CFAP57: variants seen among roughly 807,000 people sequenced by gnomAD.
CFAP57 encodes cilia- and flagella-associated protein 57.
Under a neutral mutation model 146.8 loss-of-function variants are expected in CFAP57, and 116 were observed. The ratio of observed to expected loss-of-function variants is 0.79; its 90% confidence interval spans 0.68 to 0.92. CFAP57 has a LOEUF of 0.92. Among genes scored for constraint, CFAP57 ranks in the 40% least tolerant of loss-of-function variants. The pLI, the probability that CFAP57 is intolerant of heterozygous loss-of-function variation, is 0.00. For missense variants in CFAP57, 1,377 were observed against 1,527.2 expected, an observed-to-expected ratio of 0.90 and a Z score of 1.64; for synonymous variants, 518 against 552.8, an observed-to-expected ratio of 0.94 and a Z score of 0.88.
chr1:43,188,358 T>C lies in CFAP57; in HGVS notation c.1122+1499T>C, dbSNP rs1350870309. Among the ~76,000 whole-genome samples the C allele has an allele frequency of 3.9e-5, 6 of 152,328 alleles. No homozygotes were observed. The East Asian group carries it at 7.7e-4, about 20-fold the overall frequency. ...TGTTCAATTATTTGAGGAACTGCCA[T>C]ACTGTTTTCCAAAGTTGCTGGACCG... On this transcript the variant is annotated intron_variant, in intron 6 of 22. Coordinates refer to ENST00000372492, the MANE Select transcript of CFAP57 (RefSeq NM_001378189.1).
At chr1:43,212,963 GA>G (rs1644683959) in intron 11 of CFAP57, among the ~76,000 whole-genome samples, 1 of 146,410 alleles carries the variant, frequency 6.8e-6, no homozygotes, top group African/African-American at 2.5e-5. Flanking sequence ...AAGAAAGAAA[GA>G]AAAGAAAACT....
chr1:43,243,774 T>G (rs1395847671), intron 22 of CFAP57, among the ~76,000 whole-genome samples: 1 of 152,198 alleles, frequency 6.6e-6, no homozygotes. Flanking sequence ...CATTTTAGAA[T>G]AGTGAATAAG....
At chr1:43,222,621 AAG>A (rs1292221229) in intron 15 of CFAP57, among the ~76,000 whole-genome samples, 3 of 152,126 alleles carry the variant, frequency 2.0e-5, no homozygotes, top group African/African-American at 4.8e-5. Flanking sequence ...TTGGTAGGAA[AAG>A]AGGGGAGGCA....
rs1163754769 is a variant in CFAP57, at chr1:43,176,397, C to T, written c.157+3487C>T. Among the ~76,000 whole-genome samples the T allele has an allele frequency of 3.9e-5, 6 of 152,254 alleles. No individual in the cohort carries two copies. In the South Asian group the frequency reaches 8.3e-4, roughly 21 times the overall value. On this transcript the variant is annotated intron_variant, in intron 2 of 22. Transcript: ENST00000372492. ...CACTGACCAAGTCTAAGGGTATTAC[C>T]GGTGAAGGGAAAAATATAAAGGTCA...
intron 22 of CFAP57, among the ~76,000 whole-genome samples, chr1:43,252,442 C>T (rs1227890850): frequency 1.3e-5 from 2 of 151,920 alleles, no homozygotes; most frequent in Non-Finnish European, 2.9e-5. Context: ...CTTAAAAGGA[C>T]CCCACAGTAG....
In CFAP57 at chr1:43,172,353, G is replaced by C. The variant is rs763685636; in HGVS notation, c.-120G>C. 4 of 1,551,642 alleles carry C rather than the reference G, an allele frequency of 2.6e-6. No homozygotes were observed. In the South Asian group the frequency reaches 3.6e-5, roughly 14 times the overall value. On this transcript the variant is annotated 5_prime_UTR_variant, in exon 1 of 23. Coordinates refer to ENST00000372492, the MANE Select transcript of CFAP57 (RefSeq NM_001378189.1). ...ATACTTCCGGTTTGTCGTTGCTATA[G>C]GAACCGCTACGGCGTTTGAAAGTGT... is the stretch of plus-strand genomic sequence containing the variant.
intron 12 of CFAP57, among the ~76,000 whole-genome samples, chr1:43,217,669 C>T (rs188350518): frequency 1.7e-4 from 26 of 152,266 alleles, no homozygotes; most frequent in African/African-American, 6.0e-4. Context: ...CCCTTCCCTA[C>T]CTCAGTCCAA....
intron 11 of CFAP57, among the ~76,000 whole-genome samples, chr1:43,212,660 A>AC (rs60100143): frequency 0.17 from 25,359 of 151,998 alleles, 2,909 homozygotes; most frequent in African/African-American, 0.3. Flanking sequence ...TTGACCTGGC[A>AC]CGTGGGTCAT....
intron 12 of CFAP57, among the ~76,000 whole-genome samples, chr1:43,218,888 G>A (rs767836606): frequency 3.9e-5 from 6 of 152,304 alleles, no homozygotes; most frequent in South Asian, 2.1e-4. Flanking sequence ...CATTGTTCCC[G>A]TACTTGGGAT....
intron 5 of CFAP57, among the ~76,000 whole-genome samples, chr1:43,185,945 A>G (rs1643045384): frequency 6.6e-6 from 1 of 151,804 alleles, no homozygotes; most frequent in Admixed American, 6.6e-5. Context: ...TACAAAATAC[A>G]AAAAGTAGCC....
At chr1:43,241,527 C>G (rs1018066809) in intron 21 of CFAP57, among the ~76,000 whole-genome samples, 1 of 152,108 alleles carries the variant, frequency 6.6e-6, no homozygotes, top group Non-Finnish European at 1.5e-5. Context: ...TAAGACCATC[C>G]TGTTCTCTGG....
chr1:43,202,983 A>C (rs1247607456), intron 9 of CFAP57, among the ~76,000 whole-genome samples: 1 of 151,962 alleles, frequency 6.6e-6, no homozygotes, highest in Non-Finnish European at 1.5e-5. Context: ...ATCATCCTGG[A>C]TAACACGGTG....
rs535319453 is a variant in CFAP57, at chr1:43,229,576, T to C, written c.3009+2450T>C. 1.4e-3 allele frequency among the ~76,000 whole-genome samples: 212 copies of C among 148,816 alleles called. 21 individuals are homozygous for C. The highest frequency in any genetic ancestry group is 5.1e-3 in the African/African-American group (202 of 39,888). On this transcript the variant is annotated intron_variant, in intron 18 of 22. Coordinates refer to ENST00000372492, the MANE Select transcript of CFAP57 (RefSeq NM_001378189.1). ...GTAGAGCTGCAACTTCTAATAACAC[T>C]TCCTGATTCAGGTACCCGCCCTCAC...
At position 43,185,340 on chromosome 1, in the gene CFAP57, A is replaced by G. The variant is rs1642978256; in HGVS notation, c.953A>G (p.Glu318Gly). Residue 318 changes from glutamate (E) to glycine (G), a missense_variant, in exon 5 of 23, where the codon GAG becomes GGG. By Grantham distance (98) the Glu-to-Gly change is moderately conservative (BLOSUM62 -2). Coordinates refer to ENST00000372492, the MANE Select transcript of CFAP57 (RefSeq NM_001378189.1). ...EKMEEKDFYR[E>G]SREIRIPVDP... ...ATGGAAGAAAAGGATTTTTACCGTG[A>G]GAGCAGAGAAATCAGGGTAAGGCGG... 1 of 1,613,982 alleles carries G rather than the reference A, an allele frequency of 6.2e-7. No homozygotes were observed. Among genetic ancestry groups the G allele is most frequent in the Non-Finnish European group, 8.5e-7 (1 of 1,180,026 alleles).
At chr1:43,249,048 A>ATTTTTTTTTT (rs1229728481) in intron 22 of CFAP57, among the ~76,000 whole-genome samples, 5 of 123,986 alleles carry the variant, frequency 4.0e-5, no homozygotes, top group Admixed American at 8.6e-5. Context: ...CTCCCAGCTA[A>ATTTTTTTTTT]TTTTTTTTTT....
rs1017113023 is a variant in CFAP57 at position 43,210,860 on chromosome 1, TA to T, written c.1929+950del. 5 of 148,334 alleles carry T rather than the reference TA, an allele frequency of 3.4e-5. 1 individual carries two copies. In the South Asian group the frequency reaches 1.1e-3, roughly 32 times the overall value. 9.2% of individuals were successfully genotyped at this position (148,334 alleles called of 1,614,324 possible). On this transcript the variant is annotated intron_variant, in intron 11 of 22. Transcript: ENST00000372492. Reference sequence around the variant, plus strand: ...TTTTACGACAATTTTAAAAATGAAATAAAAAAGAATTATCTTGCACGCGAAA... The same window carrying T: ...TTTTACGACAATTTTAAAAATGAAATAAAAAGAATTATCTTGCACGCGAAA...
At chr1:43,225,387 C>A (rs1190725031) in intron 17 of CFAP57, among the ~76,000 whole-genome samples, 1 of 152,186 alleles carries the variant, frequency 6.6e-6, no homozygotes, top group Non-Finnish European at 1.5e-5. Context: ...GAATCAACAC[C>A]GCTGCTGTAG....
intron 3 of CFAP57, among the ~76,000 whole-genome samples, chr1:43,182,099 C>T (rs936798482): frequency 3.3e-5 from 5 of 152,192 alleles, no homozygotes; most frequent in African/African-American, 1.2e-4. Flanking sequence ...TCCCCAACTC[C>T]AGCTCCTGTC....
At chr1:43,223,411 A>G (rs1397639218) in intron 16 of CFAP57, among the ~76,000 whole-genome samples, 1 of 152,218 alleles carries the variant, frequency 6.6e-6, no homozygotes, top group South Asian at 2.1e-4. Context: ...CCAGGGAGTC[A>G]TGGGCGGCTC....
Sources: allele counts gnomAD v4.1 joint callset (sites outside exome capture counted in the v4.1 genomes callset), GRCh38; gene constraint gnomAD v4.1.1; transcripts MANE v1.5; gene names NCBI Gene and HGNC (gene_info 2026-07-23, HGNC 2026-07-21).